CLEC4G: variants seen among roughly 807,000 people sequenced by gnomAD.
CLEC4G encodes the protein C-type lectin domain family 4 member G, also known as C-type lectin superfamily 4, member G.
In CLEC4G, 34 loss-of-function variants were observed where a neutral mutation model predicts 37.0. The ratio of observed to expected loss-of-function variants is 0.92; its 90% confidence interval spans 0.70 to 1.22. CLEC4G has a LOEUF of 1.22. CLEC4G is among the 50% of genes most tolerant of loss of function. The probability of loss-of-function intolerance (pLI) is 0.00; values close to 1 mark genes in which losing one functional copy is unlikely to be tolerated. For missense variants in CLEC4G, 390 were observed against 392.9 expected (o/e 0.99, Z 0.06); for synonymous variants, 167 against 165.6 (o/e 1.01, Z -0.06).
In CLEC4G at chr19:7,730,745, G is replaced by C. The variant is rs1342374316; in HGVS notation, c.388+10C>G. ...CAGGGCTCAGGGCCGGGGTCGCGTC[G>C]GGCCCTCACCGCGCTCACGCAGTTC... is the stretch of plus-strand genomic sequence containing the variant. On this transcript the variant is annotated intron_variant, in intron 5 of 8. Coordinates refer to ENST00000328853, the MANE Select transcript of CLEC4G (RefSeq NM_198492.4). The surrounding 1 kb of genome is among the most constrained non-coding windows in gnomAD (Gnocchi z 7.3). 6.5e-6 allele frequency: 10 copies of C among 1,530,096 alleles called. No individual in the cohort carries two copies. The highest frequency in any genetic ancestry group is 2.5e-5 in the East Asian group (1 of 40,544). The allele number at this position is 1,530,096 out of a possible 1,614,324, so 94.8% of individuals were successfully genotyped here.
intron 8 of CLEC4G, 75 bp from the exon 9 acceptor site, chr19:7,729,579 A>G: frequency 7.8e-7 from 1 of 1,289,816 alleles, no homozygotes; most frequent in East Asian, 2.3e-5. Flanking sequence ...CTTCCTCTTC[A>G]GGCTCTAGCC....
At chr19:7,731,417 C>T (rs998954333) in intron 2 of CLEC4G, 98 bp from the exon 3 acceptor site, 28 of 1,507,088 alleles carry the variant, frequency 1.9e-5, no homozygotes, top group Admixed American at 4.1e-5. Context: ...ACGGAGCGGG[C>T]GGGCAGGCAT....
At position 7,731,095 on chromosome 19, in the gene CLEC4G, C is replaced by T. The variant is rs1173509424; in HGVS notation, c.221-7G>A. On this transcript the variant is annotated splice_polypyrimidine_tract_variant and splice_region_variant and intron_variant, in intron 3 of 8. Transcript: ENST00000328853. ...GCCGCCGTCTGCTTCGAGGCTGGAACGACCCCCGCCCCAAAATGCATGCCC... is the reference window on the plus strand; with the variant it reads ...GCCGCCGTCTGCTTCGAGGCTGGAATGACCCCCGCCCCAAAATGCATGCCC... The T allele has an allele frequency of 1.2e-6, 2 of 1,605,040 alleles. No individual in the cohort carries two copies. Among genetic ancestry groups the T allele is most frequent in the Middle Eastern group, 1.7e-4 (1 of 5,844 alleles).
chr19:7,731,381 G>T, intron 2 of CLEC4G, 62 bp from the exon 3 acceptor site: 3 of 1,528,702 alleles, frequency 2.0e-6, no homozygotes, highest in South Asian at 2.4e-5. Context: ...TCGCCCGGGG[G>T]GTGCAGCGTC....
At chr19:7,731,489 A>G (rs1330142154) in intron 2 of CLEC4G, among the ~76,000 whole-genome samples, 170 bp from the exon 3 acceptor site, 1 of 152,180 alleles carries the variant, frequency 6.6e-6, no homozygotes, top group Non-Finnish European at 1.5e-5. Context: ...TCGCGCACAT[A>G]CGAGCACGCC....
At position 7,732,035 on chromosome 19, in the gene CLEC4G, TC is replaced by T. The variant is rs777674977; in HGVS notation, c.55+12del. 2 of 1,593,058 alleles carry T rather than the reference TC, an allele frequency of 1.3e-6. No individual in the cohort carries two copies. Among genetic ancestry groups the T allele is most frequent in the Non-Finnish European group, 1.7e-6 (2 of 1,160,864 alleles). On this transcript the variant is annotated intron_variant, in intron 1 of 8. Transcript: ENST00000328853. ...ACACTGGGGCAGGGATGGGGCAGTC[TC>T]CTTGCTCATACCTCCGGGGACCTCC...
In CLEC4G at chr19:7,729,942, A is replaced by G; in HGVS notation, c.628-6T>C. ...GTGTTCCGAGTGAGGAAGCCCTAGAAAGGAGGGGACATCTGAGCCTGCAGA... is the reference window on the plus strand; with the variant it reads ...GTGTTCCGAGTGAGGAAGCCCTAGAGAGGAGGGGACATCTGAGCCTGCAGA... On this transcript the variant is annotated splice_polypyrimidine_tract_variant and splice_region_variant and intron_variant, in intron 7 of 8. Coordinates refer to ENST00000328853, the MANE Select transcript of CLEC4G (RefSeq NM_198492.4). 1 of 1,613,846 alleles carries G rather than the reference A, an allele frequency of 6.2e-7. No homozygotes were observed. The highest frequency in any genetic ancestry group is 1.1e-5 in the South Asian group (1 of 91,086).
rs572515696 is a variant in CLEC4G, at chr19:7,730,965, C to A, written c.283+61G>T. On this transcript the variant is annotated intron_variant, in intron 4 of 8. Transcript: ENST00000328853. This position sits in a 1 kb window ranked among gnomAD's most constrained non-coding sequence, Gnocchi z 7.3. ...CGCCGCAGGCCTCCGCCCCGGCCCC[C>A]CTCCCATCGCGGCCGCAAGACCCCA... The A allele has an allele frequency of 3.7e-5, 56 of 1,525,142 alleles. No individual in the cohort carries two copies. In the African/African-American group the frequency reaches 6.1e-4, roughly 17 times the overall value. 94.5% of individuals were successfully genotyped at this position (1,525,142 alleles called of 1,614,324 possible).
intron 8 of CLEC4G, 108 bp downstream of exon 8, chr19:7,729,713 C>G: frequency 6.5e-7 from 1 of 1,533,346 alleles, no homozygotes; most frequent in Non-Finnish European, 8.8e-7. Flanking sequence ...CCTGCCCATC[C>G]CTAAGTATGG....
rs949740120 is a variant in CLEC4G, at chr19:7,730,263, G to A, written c.478+88C>T. On this transcript the variant is annotated intron_variant, in intron 6 of 8. Coordinates refer to ENST00000328853, the MANE Select transcript of CLEC4G (RefSeq NM_198492.4). This position sits in a 1 kb window ranked among gnomAD's most constrained non-coding sequence, Gnocchi z 7.3. Reference sequence around the variant, plus strand: ...GGGGTTCGGCCCCGCGGGCTCAGGGGTGGAGACACAGAACCAGGCCAAGGT... The same window carrying A: ...GGGGTTCGGCCCCGCGGGCTCAGGGATGGAGACACAGAACCAGGCCAAGGT... 3 of 1,573,554 alleles carry A rather than the reference G, an allele frequency of 1.9e-6. No homozygotes were observed. The highest frequency in any genetic ancestry group is 1.1e-5 in the South Asian group (1 of 87,208).
At chr19:7,731,216 A>T (rs2033426953) in intron 3 of CLEC4G, 50 bp downstream of exon 3, 1 of 1,569,940 alleles carries the variant, frequency 6.4e-7, no homozygotes, top group East Asian at 2.3e-5. Flanking sequence ...GGTCTCAGAA[A>T]CTCCCGCCCC....
In CLEC4G at chr19:7,730,769, T is replaced by G. The variant is rs972503779; in HGVS notation, c.374A>C (p.Glu125Ala). Residue 125 changes from glutamate (E) to alanine (A), a missense_variant, in exon 5 of 9, where the codon GAA (glutamate) becomes GCA (alanine). Coordinates refer to ENST00000328853, the MANE Select transcript of CLEC4G (RefSeq NM_198492.4). This position sits in a 1 kb window ranked among gnomAD's most constrained non-coding sequence, Gnocchi z 7.3. ...CGGGCCCTCACCGCGCTCACGCAGT[T>G]CCCGCAGGGCGCTCTCCTGCTCCAT... ...KLMEQESALR[E>A]LRERVTQGLA... The G allele has an allele frequency of 6.5e-7, 1 of 1,531,972 alleles. No individual in the cohort carries two copies. The highest frequency in any genetic ancestry group is 1.4e-5 in the African/African-American group (1 of 72,690). 94.9% of individuals were successfully genotyped at this position (1,531,972 alleles called of 1,614,324 possible).
At position 7,730,766 on chromosome 19, in the gene CLEC4G, A is replaced by C; in HGVS notation, c.377T>G (p.Leu126Arg). The C allele has an allele frequency of 1.3e-6, 2 of 1,532,028 alleles. No homozygotes were observed. Among genetic ancestry groups the C allele is most frequent in the Non-Finnish European group, 1.7e-6 (2 of 1,145,504 alleles). 94.9% of individuals were successfully genotyped at this position (1,532,028 alleles called of 1,614,324 possible). A position where few individuals can be genotyped will look rare whatever the true frequency, so the allele number is the denominator to read the frequency against. The change falls in exon 5 of 9, where the codon CTG (leucine) becomes CGG (arginine). Residue 126 changes from leucine (L) to arginine (R), a missense_variant. Coordinates refer to ENST00000328853, the MANE Select transcript of CLEC4G (RefSeq NM_198492.4). This position sits in a 1 kb window ranked among gnomAD's most constrained non-coding sequence, Gnocchi z 7.3. ...CGTCGGGCCCTCACCGCGCTCACGC[A>C]GTTCCCGCAGGGCGCTCTCCTGCTC... ...LMEQESALRE[L>R]RERVTQGLAE...
At position 7,730,984 on chromosome 19, in the gene CLEC4G, G is replaced by A; in HGVS notation, c.283+42C>T. The A allele has an allele frequency of 6.7e-7, 1 of 1,499,410 alleles. No individual in the cohort carries two copies. The highest frequency in any genetic ancestry group is 8.9e-7 in the Non-Finnish European group (1 of 1,124,046). The allele number at this position is 1,499,410 out of a possible 1,614,324, so 92.9% of individuals were successfully genotyped here. A position where few individuals can be genotyped will look rare whatever the true frequency, so the allele number is the denominator to read the frequency against. On this transcript the variant is annotated intron_variant, in intron 4 of 8. Transcript: ENST00000328853. This position sits in a 1 kb window ranked among gnomAD's most constrained non-coding sequence, Gnocchi z 7.3. ...GGCCCCCCTCCCATCGCGGCCGCAA[G>A]ACCCCATCCCTGCGCCCACAGCCTC...
rs2033423295 is a variant in CLEC4G at position 7,731,025 on chromosome 19, C to T, written c.283+1G>A. ...CCACAGCCTCGACCGCGCCCCCTCA[C>T]AGCAGCTGTGGCAGTCTCCGACCTC... On this transcript the variant is annotated splice_donor_variant, in intron 4 of 8. Coordinates refer to ENST00000328853, the MANE Select transcript of CLEC4G (RefSeq NM_198492.4). LOFTEE classifies it high-confidence loss of function. The T allele has an allele frequency of 6.2e-7, 1 of 1,602,580 alleles. No homozygotes were observed. The highest frequency in any genetic ancestry group is 2.2e-5 in the East Asian group (1 of 44,828).
rs1368332020 is a variant in CLEC4G, at chr19:7,730,905, G to C, written c.284-46C>G. ...GGGGCGAGGGCGGCGAGGATGGGGC[G>C]GGACTTCGGAGACCAGCCCCCGCCC... is the stretch of plus-strand genomic sequence containing the variant. On this transcript the variant is annotated intron_variant, in intron 4 of 8. Transcript: ENST00000328853. This position sits in a 1 kb window ranked among gnomAD's most constrained non-coding sequence, Gnocchi z 7.3. 2 of 1,520,898 alleles carry C rather than the reference G, an allele frequency of 1.3e-6. No individual in the cohort carries two copies. The highest frequency in any genetic ancestry group is 4.0e-5 in the Admixed American group (2 of 49,960). The allele number at this position is 1,520,898 out of a possible 1,614,324, so 94.2% of individuals were successfully genotyped here. A position where few individuals can be genotyped will look rare whatever the true frequency, so the allele number is the denominator to read the frequency against.
intron 7 of CLEC4G, 27 bp from the exon 8 acceptor site, chr19:7,729,963 G>A: frequency 6.2e-7 from 1 of 1,612,412 alleles, no homozygotes; most frequent in Non-Finnish European, 8.5e-7. Context: ...ATCTGAGCCT[G>A]CAGAGTCCGC....
chr19:7,729,248 G>C lies in CLEC4G; in HGVS notation c.*118C>G, dbSNP rs1053208546. The C allele has an allele frequency of 5.3e-6, 4 of 759,196 alleles. No homozygotes were observed. The highest frequency in any genetic ancestry group is 3.7e-5 in the Admixed American group (2 of 53,514). 47.0% of individuals were successfully genotyped at this position (759,196 alleles called of 1,614,324 possible). The stretch of plus-strand genomic sequence containing the variant: ...TTGGGCCAAGTGTTTCTGAGACTCA[G>C]CAGCGGTGGATGAGGAAGAAAAAAC... On this transcript the variant is annotated 3_prime_UTR_variant, in exon 9 of 9. Coordinates refer to ENST00000328853, the MANE Select transcript of CLEC4G (RefSeq NM_198492.4).
Position 7,731,804 on chromosome 19 carries a change from C to T in CLEC4G, c.56-33G>A, listed in dbSNP as rs368296499. On this transcript the variant is annotated intron_variant, in intron 1 of 8. Coordinates refer to ENST00000328853, the MANE Select transcript of CLEC4G (RefSeq NM_198492.4). ...AACAAGGACGGCATGCTGGGTCCCC[C>T]AGAACTGAGCCCTGGAGGCCTGAGT... is the stretch of plus-strand genomic sequence containing the variant. 36 of 1,598,564 alleles carry T rather than the reference C, an allele frequency of 2.3e-5. 1 individual carries two copies. Among genetic ancestry groups the T allele is most frequent in the Non-Finnish European group, 3.1e-5 (36 of 1,172,690 alleles).
Sources: gnomAD v4.1 joint callset for allele counts (sites outside exome capture counted in the v4.1 genomes callset) on GRCh38, gnomAD v4.1.1 for gene constraint, Gnocchi (gnomAD v3.1) non-coding constraint, MANE v1.5 for transcripts, NCBI Gene and HGNC (gene_info 2026-07-23, HGNC 2026-07-21) for gene names.